The following PABPC4L variants were observed in gnomAD, a reference collection of about 807,000 sequenced individuals.
PABPC4L encodes polyadenylate-binding protein 4-like.
For synonymous variants in PABPC4L, 169 were observed against 164.1 expected (o/e 1.03, Z -0.23); for missense variants, 452 against 451.4 (o/e 1.00, Z -0.01).
the PABPC4L span, among the ~76,000 whole-genome samples, chr4:134,120,653 C>T: frequency 1.5e-3 from 233 of 151,324 alleles, no homozygotes; most frequent in African/African-American, 4.9e-3. Flanking sequence ...TTTAAACATG[C>T]TATTACATAA....
the PABPC4L span, among the ~76,000 whole-genome samples, chr4:134,114,850 T>G: frequency 6.6e-6 from 1 of 151,970 alleles, no homozygotes; most frequent in African/African-American, 2.4e-5. Context: ...AAATGAATTA[T>G]CATCTCTGCC....
At chr4:134,011,582 A>G in the PABPC4L span, among the ~76,000 whole-genome samples, 1 of 152,112 alleles carries the variant, frequency 6.6e-6, no homozygotes, top group African/African-American at 2.4e-5. Flanking sequence ...ATATAGGTAT[A>G]TTATTTGACA....
chr4:134,007,098 A>G, the PABPC4L span, among the ~76,000 whole-genome samples: 1 of 151,898 alleles, frequency 6.6e-6, no homozygotes, highest in Non-Finnish European at 1.5e-5. Context: ...AACCACCACC[A>G]AATATGAAAA....
the PABPC4L span, among the ~76,000 whole-genome samples, chr4:134,011,049 C>T: frequency 6.6e-6 from 1 of 151,870 alleles, no homozygotes; most frequent in Non-Finnish European, 1.5e-5. Flanking sequence ...TTTCAGATAC[C>T]AAATAATACA....
the PABPC4L span, among the ~76,000 whole-genome samples, chr4:134,154,392 G>A: frequency 6.6e-6 from 1 of 151,918 alleles, no homozygotes; most frequent in Non-Finnish European, 1.5e-5. Flanking sequence ...GGAGGCAGGG[G>A]TTGCAGTGAG....
the PABPC4L span, among the ~76,000 whole-genome samples, chr4:134,055,626 C>A: frequency 7.1e-6 from 1 of 140,698 alleles, no homozygotes; most frequent in African/African-American, 2.5e-5. Flanking sequence ...AAATGTTCCC[C>A]GTGGTTTTTT....
chr4:134,095,780 T>C, the PABPC4L span, among the ~76,000 whole-genome samples: 1 of 151,940 alleles, frequency 6.6e-6, no homozygotes. Flanking sequence ...CACATTCCTA[T>C]CTTAAGGTTT....
chr4:134,157,706 A>G, the PABPC4L span, among the ~76,000 whole-genome samples: 3 of 151,754 alleles, frequency 2.0e-5, no homozygotes, highest in African/African-American at 4.8e-5. Context: ...CTTTACTTCA[A>G]TTGCATTTGA....
chr4:134,079,117 G>T, the PABPC4L span, among the ~76,000 whole-genome samples: 1 of 151,168 alleles, frequency 6.6e-6, no homozygotes, highest in Admixed American at 6.6e-5. Context: ...GACTACAGGT[G>T]TGCACCACCA....
the PABPC4L span, among the ~76,000 whole-genome samples, chr4:134,008,560 T>A: frequency 6.6e-6 from 1 of 151,746 alleles, no homozygotes; most frequent in Non-Finnish European, 1.5e-5. Context: ...AAACTATTTA[T>A]CCAAACCCTG....
the PABPC4L span, among the ~76,000 whole-genome samples, chr4:133,979,405 T>C: frequency 3.3e-5 from 5 of 152,090 alleles, no homozygotes; most frequent in African/African-American, 7.2e-5. Context: ...CTGAGAACAA[T>C]GAGTGGAAGG....
Position 134,200,579 on chromosome 4 carries a change from C to T in PABPC4L, c.441G>A (p.Gln147=). 6.4e-7 allele frequency: 1 copy of T among 1,551,680 alleles called. No homozygotes were observed. The highest frequency in any genetic ancestry group is 2.0e-5 in the Admixed American group (1 of 50,998). Residue 147 remains glutamine, a synonymous_variant, in exon 2 of 2, where the codon CAG becomes CAA. Transcript: ENST00000421491. ...CCTCAATGGCCCTGTCTGCAGCACT[C>T]TGGTTCTGAAAGTGCACAAATGCAT... The part of the protein sequence containing the change: ...KGYAFVHFQN[Q]SAADRAIEEM...
At chr4:134,096,287 A>G in the PABPC4L span, among the ~76,000 whole-genome samples, 110,004 of 151,860 alleles carry the variant, frequency 0.72, 40,503 homozygotes, top group East Asian at 0.96. Flanking sequence ...TAAATCACAA[A>G]GATGATTGTG....
chr4:134,061,111 C>T, the PABPC4L span, among the ~76,000 whole-genome samples: 1 of 152,012 alleles, frequency 6.6e-6, no homozygotes, highest in South Asian at 2.1e-4. Flanking sequence ...AGGATAGATG[C>T]TTGAGGTGAT....
the PABPC4L span, among the ~76,000 whole-genome samples, chr4:134,079,994 A>T: frequency 2.8e-4 from 43 of 151,986 alleles, no homozygotes; most frequent in African/African-American, 9.9e-4. Flanking sequence ...TTTTATTTCT[A>T]TTTTTTTATT....
chr4:134,163,859 A>T, the PABPC4L span, among the ~76,000 whole-genome samples: 1 of 152,198 alleles, frequency 6.6e-6, no homozygotes, highest in African/African-American at 2.4e-5. Context: ...ATAATATGTC[A>T]TGTAGTACAC....
At chr4:134,187,126 A>T in the PABPC4L span, among the ~76,000 whole-genome samples, 1 of 152,102 alleles carries the variant, frequency 6.6e-6, no homozygotes, top group African/African-American at 2.4e-5. Context: ...ATTGCGGAAG[A>T]CAGTGTGGCA....
chr4:134,175,039 A>T, the PABPC4L span, among the ~76,000 whole-genome samples: 1 of 152,252 alleles, frequency 6.6e-6, no homozygotes, highest in Non-Finnish European at 1.5e-5. Context: ...ATACATAGGG[A>T]ACTACCTATA....
chr4:134,165,461 C>T, the PABPC4L span, among the ~76,000 whole-genome samples: 1 of 151,952 alleles, frequency 6.6e-6, no homozygotes, highest in Non-Finnish European at 1.5e-5. Flanking sequence ...ATAAACCCCT[C>T]AAAAGGTGAG....
Sources: gnomAD v4.1 joint callset for allele counts (sites outside exome capture counted in the v4.1 genomes callset) on GRCh38, gnomAD v4.1.1 for gene constraint, MANE v1.5 for transcripts, NCBI Gene and HGNC (gene_info 2026-07-23, HGNC 2026-07-21) for gene names.